The following TSPAN33 variants were observed in gnomAD, a reference collection of about 807,000 sequenced individuals.
TSPAN33 encodes tetraspanin 33, also known as tetraspanin-33.
Under a neutral mutation model 34.8 loss-of-function variants are expected in TSPAN33, and 27 were observed. That is an observed-to-expected ratio of 0.78 (90% confidence interval 0.57 to 1.07). The LOEUF is 1.07. Among genes scored for constraint, TSPAN33 ranks in the 50% least tolerant of loss-of-function variants. The pLI is 0.00. For synonymous variants in TSPAN33, 119 were observed against 124.2 expected (o/e 0.96, Z 0.28); for missense variants, 272 against 324.9 (o/e 0.84, Z 1.25).
intron 1 of TSPAN33, among the ~76,000 whole-genome samples, chr7:129,149,506 C>T (rs542789536): frequency 4.6e-5 from 7 of 151,962 alleles, no homozygotes; most frequent in Admixed American, 2.6e-4. Context: ...TGCAGTGAGC[C>T]GAGATTATTA....
At chr7:129,153,274 A>T (rs544962568) in intron 1 of TSPAN33, among the ~76,000 whole-genome samples, 1 of 152,138 alleles carries the variant, frequency 6.6e-6, no homozygotes, top group African/African-American at 2.4e-5. Context: ...TAATGGGTAC[A>T]GGGTTTCTAT....
At chr7:129,152,305 G>T (rs13243663) in intron 1 of TSPAN33, among the ~76,000 whole-genome samples, 50 of 152,332 alleles carry the variant, frequency 3.3e-4, no homozygotes, top group Admixed American at 7.2e-4. Flanking sequence ...ATCCACAGCA[G>T]CCAAAAGGTG....
chr7:129,145,674 C>G (rs1211800153), intron 1 of TSPAN33, among the ~76,000 whole-genome samples: 1 of 151,756 alleles, frequency 6.6e-6, no homozygotes, highest in Non-Finnish European at 1.5e-5. Flanking sequence ...CCAGACTTCA[C>G]CCCTGGAGCC....
At chr7:129,146,208 T>C (rs1810517901) in intron 1 of TSPAN33, among the ~76,000 whole-genome samples, 2 of 152,090 alleles carry the variant, frequency 1.3e-5, no homozygotes, top group Admixed American at 6.5e-5. Flanking sequence ...AGCCATTTGC[T>C]GGAAAGGTTT....
At position 129,166,847 on chromosome 7, in the gene TSPAN33, A is replaced by C. The variant is rs1793148828; in HGVS notation, c.529A>C (p.Asn177His). Residue 177 changes from asparagine (N) to histidine (H), a missense_variant, in exon 6 of 8, where the codon AAC becomes CAC. Transcript: ENST00000486685. ...QNMYFNCSED[N>H]PSRERCSVPY... ...CATGTATTTCAACTGCTCAGAAGAC[A>C]ACCCCAGTCGAGAGCGCTGCTCTGT... The C allele has an allele frequency of 5.0e-6, 8 of 1,614,088 alleles. No homozygotes were observed. The highest frequency in any genetic ancestry group is 1.3e-5 in the African/African-American group (1 of 74,936).
At chr7:129,166,689 C>A (rs2150629048) in intron 5 of TSPAN33, 89 bp from the exon 6 acceptor site, 1 of 1,522,346 alleles carries the variant, frequency 6.6e-7, no homozygotes, top group Non-Finnish European at 8.9e-7. Flanking sequence ...TAGAAGCTTG[C>A]TATAGACTTT....
intron 1 of TSPAN33, among the ~76,000 whole-genome samples, chr7:129,157,781 C>G (rs17167754): frequency 0.084 from 12,817 of 152,238 alleles, 628 homozygotes; most frequent in Middle Eastern, 0.17. Flanking sequence ...CCACCATATC[C>G]ACGCATGGAT....
chr7:129,161,767 C>T, intron 2 of TSPAN33, 31 bp downstream of exon 2: 2 of 1,613,762 alleles, frequency 1.2e-6, no homozygotes, highest in East Asian at 2.2e-5. Context: ...CCTGCCCCCA[C>T]CTTGTGCCAT....
chr7:129,164,794 G>A (rs570148364), intron 5 of TSPAN33: 47 of 462,410 alleles, frequency 1.0e-4, no homozygotes, highest in Non-Finnish European at 1.3e-4. Context: ...TTACCTACAG[G>A]GGGTGAGGAA....
At chr7:129,145,119 TC>T in intron 1 of TSPAN33, 37 bp downstream of exon 1, 10 of 647,232 alleles carry the variant, frequency 1.5e-5, no homozygotes, top group Admixed American at 2.4e-5. Context: ...GGCGGCGGGG[TC>T]CCCCCGCGGG....
At chr7:129,145,597 G>A (rs889606905) in intron 1 of TSPAN33, among the ~76,000 whole-genome samples, 1 of 151,068 alleles carries the variant, frequency 6.6e-6, no homozygotes, top group Admixed American at 6.6e-5. Flanking sequence ...TGGCCTCCAG[G>A]TGCAGATGTC....
At chr7:129,159,345 G>A (rs573843101) in intron 1 of TSPAN33, among the ~76,000 whole-genome samples, 16 of 152,306 alleles carry the variant, frequency 1.1e-4, no homozygotes, top group African/African-American at 3.4e-4. Context: ...GTGAGCCACC[G>A]TGTTTGGCCT....
chr7:129,162,193 T>C (rs2150626707), intron 2 of TSPAN33, among the ~76,000 whole-genome samples: 1 of 152,338 alleles, frequency 6.6e-6, no homozygotes, highest in South Asian at 2.1e-4. Context: ...CTTTAGTTCC[T>C]CAAATTAAAT....
At chr7:129,150,325 G>C (rs1810575760) in intron 1 of TSPAN33, among the ~76,000 whole-genome samples, 1 of 152,104 alleles carries the variant, frequency 6.6e-6, no homozygotes, top group Admixed American at 6.5e-5. Context: ...CCACCTCCTG[G>C]GCCCTGCTGG....
In TSPAN33 at chr7:129,164,328, C is replaced by T. The variant is rs148098022; in HGVS notation, c.364-146C>T. On this transcript the variant is annotated intron_variant, in intron 4 of 7. Coordinates refer to ENST00000486685, the MANE Select transcript of TSPAN33 (RefSeq NM_178562.5). Reference sequence around the variant, plus strand: ...CCTGGGATGGGCTTTGGAACTGAACCGGCTATCTTCCACCATTAGGACTCG... The same window carrying T: ...CCTGGGATGGGCTTTGGAACTGAACTGGCTATCTTCCACCATTAGGACTCG... 260 of 701,314 alleles carry T rather than the reference C, an allele frequency of 3.7e-4. 2 individuals carry two copies. The African/African-American group carries it at 4.0e-3, about 11-fold the overall frequency. The allele number at this position is 701,314 out of a possible 1,614,324, so 43.4% of individuals were successfully genotyped here.
chr7:129,153,356 C>T (rs1810626930), intron 1 of TSPAN33, among the ~76,000 whole-genome samples: 1 of 152,138 alleles, frequency 6.6e-6, no homozygotes, highest in Non-Finnish European at 1.5e-5. Context: ...TACTAAAGGC[C>T]ACTGAACTGT....
At position 129,166,854 on chromosome 7, in the gene TSPAN33, G is replaced by C. The variant is rs933685484; in HGVS notation, c.536G>C (p.Ser179Thr). ...TTCAACTGCTCAGAAGACAACCCCA[G>C]TCGAGAGCGCTGCTCTGTGCCTTAC... Reference protein sequence around the residue: ...MYFNCSEDNPSRERCSVPYSC... With the variant: ...MYFNCSEDNPTRERCSVPYSC... Residue 179 changes from serine to threonine, a missense_variant, in exon 6 of 8, where the codon AGT becomes ACT. Coordinates refer to ENST00000486685, the MANE Select transcript of TSPAN33 (RefSeq NM_178562.5). 1 of 1,614,188 alleles carries C rather than the reference G, an allele frequency of 6.2e-7. No individual in the cohort carries two copies. The highest frequency in any genetic ancestry group is 8.5e-7 in the Non-Finnish European group (1 of 1,180,024).
In TSPAN33 at chr7:129,168,446, T is replaced by C. The variant is rs549696491; in HGVS notation, c.*572T>C. The C allele has an allele frequency of 6.5e-6, 1 of 153,436 alleles. No homozygotes were observed. Among genetic ancestry groups the C allele is most frequent in the South Asian group, 2.1e-4 (1 of 4,852 alleles). 9.5% of individuals were successfully genotyped at this position (153,436 alleles called of 1,614,324 possible). Reference sequence around the variant, plus strand: ...GGGAGATATGTTTACCAAATGCCTGTCCTGCCATCCTCCCAGGTAGTCAGA... The same window carrying C: ...GGGAGATATGTTTACCAAATGCCTGCCCTGCCATCCTCCCAGGTAGTCAGA... On this transcript the variant is annotated 3_prime_UTR_variant, in exon 8 of 8. Transcript: ENST00000486685.
intron 1 of TSPAN33, among the ~76,000 whole-genome samples, chr7:129,161,315 A>G (rs947089842): frequency 6.6e-6 from 1 of 152,216 alleles, no homozygotes; most frequent in African/African-American, 2.4e-5. Flanking sequence ...CCTGACCTCA[A>G]GTTGATTCTC....
Sources: allele counts gnomAD v4.1 joint callset (sites outside exome capture counted in the v4.1 genomes callset), GRCh38; gene constraint gnomAD v4.1.1; transcripts MANE v1.5; gene names NCBI Gene and HGNC (gene_info 2026-07-23, HGNC 2026-07-21).